The following CPNE4 variants were observed in gnomAD, a reference collection of about 807,000 sequenced individuals.
CPNE4 encodes copine 4, also known as copine-4.
Under a neutral mutation model 67.9 loss-of-function variants are expected in CPNE4, and 25 were observed. That is an observed-to-expected ratio of 0.37 (90% confidence interval 0.27 to 0.51). The LOEUF is 0.51. CPNE4 is among the 20% of genes least tolerant of loss of function. CPNE4 has a pLI of 0.93. For missense variants in CPNE4, 464 were observed against 690.8 expected (o/e 0.67, Z 3.68); for synonymous variants, 242 against 244.9 (o/e 0.99, Z 0.11).
At chr3:131,706,734 G>T (rs78726492) in intron 3 of CPNE4, among the ~76,000 whole-genome samples, 2,031 of 152,264 alleles carry the variant, frequency 0.013, 45 homozygotes, top group African/African-American at 0.045. Context: ...CTGCTGCCTG[G>T]ATGCTTCATC....
chr3:131,801,365 TA>T (rs200417609), intron 2 of CPNE4, among the ~76,000 whole-genome samples: 7 of 135,566 alleles, frequency 5.2e-5, no homozygotes, highest in African/African-American at 1.4e-4. Flanking sequence ...CATATATATA[TA>T]TGTACCATAT....
chr3:132,023,479 C>CTTTTTT (rs575505348), intron 1 of CPNE4, among the ~76,000 whole-genome samples: 3 of 84,596 alleles, frequency 3.5e-5, no homozygotes, highest in African/African-American at 5.2e-5. Flanking sequence ...GCAGATCAGC[C>CTTTTTT]TTTTTTTTTT....
upstream of CPNE4, among the ~76,000 whole-genome samples, chr3:132,036,516 C>A (rs1919986): frequency 6.6e-6 from 1 of 152,178 alleles, no homozygotes; most frequent in Admixed American, 6.5e-5. Context: ...CAGTGTATGA[C>A]TACTAAATAT....
chr3:131,667,051 T>G (rs942797056), intron 7 of CPNE4, among the ~76,000 whole-genome samples: 1 of 152,192 alleles, frequency 6.6e-6, no homozygotes, highest in Non-Finnish European at 1.5e-5. Flanking sequence ...TTAGCAATGT[T>G]AGCAATACAT....
chr3:131,976,081 G>GTTTT (rs59067649), intron 1 of CPNE4, among the ~76,000 whole-genome samples: 1,552 of 136,656 alleles, frequency 0.011, 43 homozygotes, highest in African/African-American at 0.039. Flanking sequence ...AATATTGTTG[G>GTTTT]TTTTTTTTTT....
At chr3:131,708,620 A>G (rs1401464108) in intron 3 of CPNE4, among the ~76,000 whole-genome samples, 1 of 152,038 alleles carries the variant, frequency 6.6e-6, no homozygotes, top group African/African-American at 2.4e-5. Flanking sequence ...ACCAGTCCCC[A>G]AGGCCAAGGG....
chr3:131,914,775 G>A (rs1327539478), intron 1 of CPNE4, among the ~76,000 whole-genome samples: 3 of 152,150 alleles, frequency 2.0e-5, no homozygotes, highest in East Asian at 1.9e-4. Flanking sequence ...TTGGGAGTTC[G>A]AGACCAGCCT....
chr3:131,906,432 G>T (rs1481016288), intron 1 of CPNE4, among the ~76,000 whole-genome samples: 1 of 118,392 alleles, frequency 8.4e-6, no homozygotes, highest in Non-Finnish European at 1.6e-5. Flanking sequence ...AGTCCCCAGA[G>T]TATGATGTTG....
At chr3:131,720,897 A>T (rs1560179586) in intron 3 of CPNE4, among the ~76,000 whole-genome samples, 1 of 152,184 alleles carries the variant, frequency 6.6e-6, no homozygotes, top group Admixed American at 6.5e-5. Flanking sequence ...TCCTTCCTGA[A>T]TACAGAGGCT....
At chr3:131,622,058 G>T (rs1203648062) in intron 7 of CPNE4, among the ~76,000 whole-genome samples, 2 of 132,878 alleles carry the variant, frequency 1.5e-5, no homozygotes, top group Admixed American at 7.4e-5. Flanking sequence ...AAAAAGAAAA[G>T]AAATGTTCTT....
chr3:131,716,174 TGCTG>T (rs1213887355), intron 3 of CPNE4, among the ~76,000 whole-genome samples: 3 of 152,144 alleles, frequency 2.0e-5, no homozygotes, highest in Non-Finnish European at 4.4e-5. Flanking sequence ...CCAGGAGTCC[TGCTG>T]TTTCACAAGG....
At chr3:131,862,051 G>A (rs796758071) in intron 2 of CPNE4, among the ~76,000 whole-genome samples, 7 of 152,122 alleles carry the variant, frequency 4.6e-5, no homozygotes, top group African/African-American at 1.7e-4. Flanking sequence ...ATTACCCAGG[G>A]GCTCTTTTCT....
intron 7 of CPNE4, among the ~76,000 whole-genome samples, chr3:131,603,221 G>A (rs1237255803): frequency 1.3e-5 from 2 of 152,116 alleles, no homozygotes; most frequent in East Asian, 3.9e-4. Context: ...TGATATATGT[G>A]CAGTATATAG....
chr3:131,732,626 T>C (rs1176566015), intron 2 of CPNE4, among the ~76,000 whole-genome samples: 4 of 152,204 alleles, frequency 2.6e-5, no homozygotes, highest in Non-Finnish European at 5.9e-5. Context: ...GTCCCTCTAA[T>C]AGTAGCTTCT....
At chr3:131,673,382 T>A (rs144392065) in intron 6 of CPNE4, among the ~76,000 whole-genome samples, 238 of 152,208 alleles carry the variant, frequency 1.6e-3, no homozygotes, top group African/African-American at 5.3e-3. Flanking sequence ...ATGTCATTGG[T>A]ATTTTGATAA....
chr3:131,706,318 T>C (rs923544289), intron 3 of CPNE4, among the ~76,000 whole-genome samples: 1 of 152,226 alleles, frequency 6.6e-6, no homozygotes, highest in African/African-American at 2.4e-5. Context: ...CACACAACTA[T>C]TAAAGGGTCA....
At chr3:132,026,421 C>G (rs1313028145) in intron 1 of CPNE4, among the ~76,000 whole-genome samples, 1 of 152,184 alleles carries the variant, frequency 6.6e-6, no homozygotes, top group Non-Finnish European at 1.5e-5. Context: ...GAATTAACTT[C>G]AACTTGGAGA....
At chr3:131,882,161 C>A (rs560718434) in intron 2 of CPNE4, among the ~76,000 whole-genome samples, 5 of 148,748 alleles carry the variant, frequency 3.4e-5, no homozygotes, top group African/African-American at 1.2e-4. Context: ...CACACACACA[C>A]AACCTACATC....
chr3:131,997,451 G>A (rs879333158), intron 1 of CPNE4, among the ~76,000 whole-genome samples: 6 of 152,084 alleles, frequency 3.9e-5, no homozygotes, highest in Admixed American at 3.9e-4. Flanking sequence ...CTTAGTCCTG[G>A]CTCTGCTATC....
Sources: gnomAD v4.1 joint callset for allele counts (sites outside exome capture counted in the v4.1 genomes callset) on GRCh38, gnomAD v4.1.1 for gene constraint, MANE v1.5 for transcripts, NCBI Gene and HGNC (gene_info 2026-07-23, HGNC 2026-07-21) for gene names.